TENM3: variants seen among roughly 807,000 people sequenced by gnomAD.
The protein encoded by TENM3 is teneurin transmembrane protein 3.
TENM3 carries 63 observed loss-of-function variants against 255.1 expected under a neutral mutation model. The ratio of observed to expected loss-of-function variants is 0.25; its 90% CI spans 0.20 to 0.30. TENM3 has a LOEUF of 0.30. Ranked by LOEUF, TENM3 falls within the 10% of genes least tolerant of loss-of-function variation. The probability of loss-of-function intolerance (pLI) is 1.00; values close to 1 mark genes in which losing one functional copy is unlikely to be tolerated. For missense variants in TENM3, 2,929 were observed against 3,461.1 expected (o/e 0.85, Z 3.86); for synonymous variants, 1,306 against 1,322.3 (o/e 0.99, Z 0.27).
chr4:181,475,658 G>T, the TENM3 span, among the ~76,000 whole-genome samples: 3 of 152,164 alleles, frequency 2.0e-5, no homozygotes, highest in African/African-American at 7.2e-5. Context: ...CTCTACCTGA[G>T]TCAGATAATC....
rs12645093 is a variant in TENM3, at chr4:182,415,989, T to C, written c.511+69060T>C. ...CCCAGCATGCCATATGTTAAATTAA[T>C]TAAAAATAAAACTTTTAACCATACT... On this transcript the variant is annotated intron_variant, in intron 3 of 27. Coordinates refer to ENST00000511685, the MANE Select transcript of TENM3 (RefSeq NM_001080477.4). Among the ~76,000 whole-genome samples, 766 of 152,108 alleles carry C rather than the reference T, an allele frequency of 5.0e-3. 16 individuals carry two copies. The highest frequency in any genetic ancestry group is 0.033 in the East Asian group (172 of 5,140).
intron 3 of TENM3, chr4:182,349,849 G>T (rs764590056): frequency 2.6e-6 from 1 of 384,024 alleles, no homozygotes; most frequent in South Asian, 2.0e-5. Context: ...AGCTTGAGAT[G>T]TGTTCTTGGA....
chr4:181,525,600 T>G, the TENM3 span, among the ~76,000 whole-genome samples: 1 of 152,174 alleles, frequency 6.6e-6, no homozygotes, highest in Non-Finnish European at 1.5e-5. Context: ...ATCCTGATGG[T>G]TTGCTCCTCT....
At chr4:181,461,684 A>AT in the TENM3 span, among the ~76,000 whole-genome samples, 2 of 151,872 alleles carry the variant, frequency 1.3e-5, no homozygotes, top group African/African-American at 2.4e-5. Context: ...CAGATATTGT[A>AT]TTTTTTATCT....
the TENM3 span, among the ~76,000 whole-genome samples, chr4:181,500,569 T>G: frequency 6.6e-6 from 1 of 152,218 alleles, no homozygotes; most frequent in East Asian, 1.9e-4. Flanking sequence ...CACTTCCATT[T>G]TGTAAATCAA....
chr4:182,065,716 C>T, the TENM3 span, among the ~76,000 whole-genome samples: 1 of 152,312 alleles, frequency 6.6e-6, no homozygotes, highest in Middle Eastern at 3.4e-3. Flanking sequence ...AGTTTCCTTC[C>T]ATGGGTTTCT....
chr4:182,318,370 T>C (rs1253845449), intron 1 of TENM3, among the ~76,000 whole-genome samples: 1 of 152,184 alleles, frequency 6.6e-6, no homozygotes, highest in Non-Finnish European at 1.5e-5. Flanking sequence ...TAAAATCAAG[T>C]TACTTTCTAA....
chr4:181,481,820 T>C, the TENM3 span, among the ~76,000 whole-genome samples: 1 of 152,216 alleles, frequency 6.6e-6, no homozygotes, highest in Non-Finnish European at 1.5e-5. Flanking sequence ...ACATAGTAAG[T>C]GCTCAATAAA....
chr4:181,637,387 A>G, the TENM3 span, among the ~76,000 whole-genome samples: 1 of 152,202 alleles, frequency 6.6e-6, no homozygotes, highest in African/African-American at 2.4e-5. Flanking sequence ...TGTTCAGCAC[A>G]TGGGTGGGGA....
intron 3 of TENM3, among the ~76,000 whole-genome samples, chr4:182,462,123 C>A (rs967948722): frequency 6.6e-6 from 1 of 150,808 alleles, no homozygotes; most frequent in African/African-American, 2.4e-5. Flanking sequence ...GGCTGCAGTA[C>A]AGTGGTGCAA....
the TENM3 span, among the ~76,000 whole-genome samples, chr4:181,931,637 A>G: frequency 5.2e-4 from 79 of 152,210 alleles, no homozygotes; most frequent in Non-Finnish European, 9.6e-4. Context: ...ACTACCATTG[A>G]CTTTCTTCAC....
At chr4:182,314,125 C>T (rs1375399964) in intron 1 of TENM3, among the ~76,000 whole-genome samples, 1 of 152,018 alleles carries the variant, frequency 6.6e-6, no homozygotes, top group Non-Finnish European at 1.5e-5. Context: ...ATGATGAAAC[C>T]CTGTCTCTAC....
At chr4:181,549,491 A>G in the TENM3 span, among the ~76,000 whole-genome samples, 31 of 152,274 alleles carry the variant, frequency 2.0e-4, no homozygotes, top group Middle Eastern at 3.4e-3. Flanking sequence ...TCTCTCCAAC[A>G]CAGGTCTGTG....
chr4:182,796,749 G>C lies in TENM3; in HGVS notation c.7326G>C (p.Gln2442His). 1 of 1,608,822 alleles carries C rather than the reference G, an allele frequency of 6.2e-7. No homozygotes were observed. The highest frequency in any genetic ancestry group is 8.5e-7 in the Non-Finnish European group (1 of 1,177,360). The part of the protein sequence containing the change: ...TEPSYELVKS[Q>H]QWDDIPPIFG... ...CTTCTTACGAACTTGTGAAGAGTCA[G>C]CAGTGGGATGATATACCGGTAAGAA... Residue 2442 changes from glutamine to histidine, a missense_variant, in exon 27 of 28, where the codon CAG (glutamine) becomes CAC (histidine). Physicochemically the swap from Gln to His is conservative, Grantham distance 24. Transcript: ENST00000511685.
the TENM3 span, among the ~76,000 whole-genome samples, chr4:181,597,797 C>A: frequency 6.6e-6 from 1 of 152,130 alleles, no homozygotes; most frequent in African/African-American, 2.4e-5. Context: ...ATCAGTAATT[C>A]AGCTCCAGAG....
the TENM3 span, among the ~76,000 whole-genome samples, chr4:182,065,513 A>C: frequency 6.6e-6 from 1 of 152,204 alleles, no homozygotes; most frequent in East Asian, 1.9e-4. Flanking sequence ...AGGAGGTGCT[A>C]CACACTTTTA....
In TENM3 at chr4:182,323,968, C is replaced by G; in HGVS notation, c.-53C>G. The G allele has an allele frequency of 6.6e-7, 1 of 1,517,384 alleles. No homozygotes were observed. Among genetic ancestry groups the G allele is most frequent in the Non-Finnish European group, 9.0e-7 (1 of 1,107,200 alleles). 94.0% of individuals were successfully genotyped at this position (1,517,384 alleles called of 1,614,324 possible). ...CAGAGAGGCCAATGAGACTTGAACC[C>G]TGAGCCTAAGTTGTCACCAGCAGGA... On this transcript the variant is annotated 5_prime_UTR_variant, in exon 2 of 28. Coordinates refer to ENST00000511685, the MANE Select transcript of TENM3 (RefSeq NM_001080477.4).
intron 1 of TENM3, among the ~76,000 whole-genome samples, chr4:182,295,880 G>T (rs2150346882): frequency 6.6e-6 from 1 of 152,278 alleles, no homozygotes; most frequent in African/African-American, 2.4e-5. Flanking sequence ...GTTAAACAAG[G>T]AGAACTGACC....
chr4:181,871,888 T>C, the TENM3 span, among the ~76,000 whole-genome samples: 1 of 152,150 alleles, frequency 6.6e-6, no homozygotes, highest in African/African-American at 2.4e-5. Context: ...GCTAAGCCCA[T>C]CTTGCATTCC....
Sources: allele counts gnomAD v4.1 joint callset (sites outside exome capture counted in the v4.1 genomes callset), GRCh38; gene constraint gnomAD v4.1.1; transcripts MANE v1.5; gene names NCBI Gene and HGNC (gene_info 2026-07-23, HGNC 2026-07-21).